The following MYT1L variants were observed in gnomAD, a reference collection of about 807,000 sequenced individuals.
MYT1L encodes the protein myelin transcription factor 1 like.
In MYT1L, 12 loss-of-function variants were observed where a neutral mutation model predicts 126.7. That is an observed-to-expected ratio of 0.09 (90% CI 0.06 to 0.15). The LOEUF is 0.15. Ranked by LOEUF, MYT1L falls within the 10% of genes least tolerant of loss-of-function variation. The pLI is 1.00. For missense variants in MYT1L, 979 were observed against 1,585.2 expected (o/e 0.62, Z 6.49); for synonymous variants, 541 against 604.2 (o/e 0.90, Z 1.53).
At chr2:2,126,296 C>T (rs904917023) in intron 3 of MYT1L, among the ~76,000 whole-genome samples, 2 of 152,190 alleles carry the variant, frequency 1.3e-5, no homozygotes, top group African/African-American at 4.8e-5. Flanking sequence ...ATAGGAAATG[C>T]ATTTTAATGT....
intron 2 of MYT1L, among the ~76,000 whole-genome samples, chr2:2,178,117 C>T (rs1180513639): frequency 2.0e-5 from 3 of 151,428 alleles, no homozygotes; most frequent in Admixed American, 2.0e-4. Context: ...TACTTGATTG[C>T]CAAAGAAAAT....
At position 1,917,500 on chromosome 2, in the gene MYT1L, G is replaced by A. The variant is rs1260190829; in HGVS notation, c.1484-161C>T. Among the ~76,000 whole-genome samples, 3 of 152,076 alleles carry A rather than the reference G, an allele frequency of 2.0e-5. No homozygotes were observed. The highest frequency in any genetic ancestry group is 4.4e-5 in the Non-Finnish European group (3 of 68,014). On this transcript the variant is annotated intron_variant, in intron 10 of 24. Coordinates refer to ENST00000647738, the MANE Select transcript of MYT1L (RefSeq NM_001303052.2). The surrounding 1 kb of genome is among the most constrained non-coding windows in gnomAD (Gnocchi z 5.9). ...TTTGCTTAGATAGTTCTTTGGTTTTGGGTGACTTTTTTCAACCTTACACAG... is the reference window on the plus strand; with the variant it reads ...TTTGCTTAGATAGTTCTTTGGTTTTAGGTGACTTTTTTCAACCTTACACAG...
chr2:1,878,931 A>G (rs960189173), intron 18 of MYT1L, among the ~76,000 whole-genome samples: 1 of 152,210 alleles, frequency 6.6e-6, no homozygotes, highest in Admixed American at 6.5e-5. Context: ...AAATGTCATT[A>G]AATGGAATTG....
At chr2:1,980,752 A>C (rs1048380980) in intron 5 of MYT1L, among the ~76,000 whole-genome samples, 4 of 152,210 alleles carry the variant, frequency 2.6e-5, no homozygotes, top group Admixed American at 2.6e-4. Flanking sequence ...CTTTGTTTCC[A>C]CTAAGCCTCA....
chr2:2,183,017 G>A (rs560764815), intron 2 of MYT1L, among the ~76,000 whole-genome samples: 6 of 152,196 alleles, frequency 3.9e-5, no homozygotes, highest in Non-Finnish European at 7.3e-5. Context: ...GGTTTTCCGA[G>A]GAGCAGCAGC....
At chr2:1,983,513 T>C (rs2060765520) in intron 5 of MYT1L, among the ~76,000 whole-genome samples, 1 of 152,232 alleles carries the variant, frequency 6.6e-6, no homozygotes, top group South Asian at 2.1e-4. Context: ...TTTTCTAATG[T>C]GTGCACCTGA....
intron 3 of MYT1L, among the ~76,000 whole-genome samples, chr2:2,119,637 C>A (rs1252784573): frequency 6.6e-6 from 1 of 152,150 alleles, no homozygotes; most frequent in African/African-American, 2.4e-5. Context: ...CAGCTCAGCC[C>A]AGGTTTAACC....
intron 18 of MYT1L, among the ~76,000 whole-genome samples, chr2:1,881,616 C>T (rs925354979): frequency 2.0e-5 from 3 of 152,070 alleles, no homozygotes; most frequent in Admixed American, 6.6e-5. Context: ...CCTGGAGGAG[C>T]AAGTTGAAAA....
Position 1,910,092 on chromosome 2 carries a change from G to A in MYT1L, c.1817+148C>T. The stretch of plus-strand genomic sequence containing the variant: ...CACACAGCCTGGCCTGGAGTGAGGG[G>A]TCCTGGCCCCGGCTTCCAGCACAGC... On this transcript the variant is annotated intron_variant, in intron 13 of 24. Transcript: ENST00000647738. The surrounding 1 kb of genome is among the most constrained non-coding windows in gnomAD (Gnocchi z 4.8). The A allele has an allele frequency of 1.5e-6, 1 of 686,842 alleles. No individual in the cohort carries two copies. The highest frequency in any genetic ancestry group is 3.6e-4 in the Middle Eastern group (1 of 2,778). 42.5% of individuals were successfully genotyped at this position (686,842 alleles called of 1,614,324 possible). A position where few individuals can be genotyped will look rare whatever the true frequency, so the allele number is the denominator to read the frequency against.
chr2:2,249,978 C>T (rs1446579535), intron 2 of MYT1L, among the ~76,000 whole-genome samples: 1 of 152,106 alleles, frequency 6.6e-6, no homozygotes, highest in Non-Finnish European at 1.5e-5. Context: ...GAGATATCAT[C>T]TCACCCCAGT....
chr2:2,277,159 A>T (rs957325245), intron 2 of MYT1L, among the ~76,000 whole-genome samples: 3 of 151,140 alleles, frequency 2.0e-5, no homozygotes, highest in African/African-American at 4.9e-5. Context: ...TTTTTTTTGT[A>T]TTTTTTTTAG....
At chr2:1,966,630 G>A (rs1459240114) in intron 8 of MYT1L, among the ~76,000 whole-genome samples, 2 of 152,132 alleles carry the variant, frequency 1.3e-5, no homozygotes, top group African/African-American at 4.8e-5. Flanking sequence ...ACAATATGGA[G>A]ATGTTTTATG....
chr2:2,197,431 C>A (rs1436976072), intron 2 of MYT1L, among the ~76,000 whole-genome samples: 2 of 152,120 alleles, frequency 1.3e-5, no homozygotes, highest in Non-Finnish European at 2.9e-5. Context: ...TGCCCAACCA[C>A]AGATGAGCGC....
chr2:2,280,581 A>G (rs1258638166), intron 2 of MYT1L, among the ~76,000 whole-genome samples: 2 of 152,182 alleles, frequency 1.3e-5, no homozygotes, highest in Non-Finnish European at 1.5e-5. Context: ...CCTGCTGAGA[A>G]TGGGGATGAT....
intron 8 of MYT1L, among the ~76,000 whole-genome samples, chr2:1,950,032 G>A (rs1222896197): frequency 1.1e-4 from 17 of 151,908 alleles, no homozygotes; most frequent in Admixed American, 1.1e-3. Context: ...AGTGCTTCCT[G>A]TGTGCTTGGC....
chr2:2,045,150 T>C (rs549066809), intron 4 of MYT1L, among the ~76,000 whole-genome samples: 2 of 152,306 alleles, frequency 1.3e-5, no homozygotes, highest in African/African-American at 4.8e-5. Flanking sequence ...GAAAACTGTG[T>C]TTTTCTCACC....
At chr2:1,830,937 C>T (rs948110147) in intron 21 of MYT1L, among the ~76,000 whole-genome samples, 2 of 152,190 alleles carry the variant, frequency 1.3e-5, no homozygotes, top group Admixed American at 1.3e-4. Flanking sequence ...GTCAATGGGG[C>T]TGGAGTAAGG....
chr2:1,839,467 A>T, intron 20 of MYT1L, 97 bp from the exon 21 acceptor site: 1 of 1,107,830 alleles, frequency 9.0e-7, no homozygotes, highest in Non-Finnish European at 1.3e-6. Context: ...AAGAAGAAAA[A>T]AACAACCATG....
intron 8 of MYT1L, among the ~76,000 whole-genome samples, chr2:1,968,807 C>A (rs972473478): frequency 6.6e-6 from 1 of 152,220 alleles, no homozygotes; most frequent in African/African-American, 2.4e-5. Flanking sequence ...CAGGCGGCCA[C>A]AGTGCCTTGC....
Sources: allele counts gnomAD v4.1 joint callset (sites outside exome capture counted in the v4.1 genomes callset), GRCh38; gene constraint gnomAD v4.1.1; non-coding constraint Gnocchi (gnomAD v3.1); transcripts MANE v1.5; gene names NCBI Gene and HGNC (gene_info 2026-07-23, HGNC 2026-07-21).